WWTR1: variants seen among roughly 807,000 people sequenced by gnomAD.
WWTR1 encodes WW domain containing transcription regulator 1.
WWTR1 carries 13 observed loss-of-function variants against 40.1 expected under a neutral mutation model. The ratio of observed to expected loss-of-function variants is 0.32; its 90% CI spans 0.21 to 0.52. The LOEUF is 0.52. Ranked by LOEUF, WWTR1 falls within the 20% of genes least tolerant of loss-of-function variation. WWTR1 has a pLI of 0.97. For missense variants in WWTR1, 436 were observed against 523.1 expected, an observed-to-expected ratio of 0.83 and a Z score of 1.63; for synonymous variants, 230 against 210.1, an observed-to-expected ratio of 1.09 and a Z score of -0.82.
At chr3:149,626,709 A>G (rs1211781928) in intron 2 of WWTR1, among the ~76,000 whole-genome samples, 2 of 152,290 alleles carry the variant, frequency 1.3e-5, no homozygotes, top group East Asian at 1.9e-4. Flanking sequence ...AAGAGCATCA[A>G]TTGGAAAACC....
intron 2 of WWTR1, among the ~76,000 whole-genome samples, chr3:149,607,549 C>T (rs1739545434): frequency 6.6e-6 from 1 of 152,128 alleles, no homozygotes. Context: ...CTCCTCACCT[C>T]GTGATCCGCC....
At chr3:149,676,696 T>C (rs1471496072) in intron 1 of WWTR1, among the ~76,000 whole-genome samples, 2 of 152,084 alleles carry the variant, frequency 1.3e-5, no homozygotes, top group Non-Finnish European at 2.9e-5. Flanking sequence ...CTAAACCGGG[T>C]CTGCCTATTT....
chr3:149,665,816 A>G (rs1713792652), intron 2 of WWTR1, among the ~76,000 whole-genome samples: 1 of 152,186 alleles, frequency 6.6e-6, no homozygotes, highest in Admixed American at 6.5e-5. Flanking sequence ...TTGTGTGCTT[A>G]TATCTGTATA....
At chr3:149,544,031 G>T (rs931935680) in intron 3 of WWTR1, among the ~76,000 whole-genome samples, 1 of 151,816 alleles carries the variant, frequency 6.6e-6, no homozygotes, top group Non-Finnish European at 1.5e-5. Flanking sequence ...GCCTCCCAAA[G>T]TGCTGGGATT....
intron 1 of WWTR1, among the ~76,000 whole-genome samples, chr3:149,682,362 G>A (rs929174793): frequency 3.3e-5 from 5 of 152,182 alleles, no homozygotes; most frequent in Non-Finnish European, 5.9e-5. Context: ...GTAAGTGAAT[G>A]TATTAAATTG....
chr3:149,715,343 T>G (rs1715581616), intron 5 of WWTR1, among the ~76,000 whole-genome samples: 1 of 152,198 alleles, frequency 6.6e-6, no homozygotes, highest in African/African-American at 2.4e-5. Context: ...GGTGTCAAGC[T>G]TCTGGGCGTC....
chr3:149,680,411 G>A lies in WWTR1; in HGVS notation c.-107-10520C>T, dbSNP rs552702060. Reference sequence around the variant, plus strand: ...ATACAAAAATTAGCCCAGTGTGGTGGCAGGCACCTGTAATCTCAGCTACTT... The same window carrying A: ...ATACAAAAATTAGCCCAGTGTGGTGACAGGCACCTGTAATCTCAGCTACTT... On this transcript the variant is annotated intron_variant, in intron 1 of 7. Coordinates refer to the WWTR1 transcript ENST00000465804. 3.3e-5 allele frequency among the ~76,000 whole-genome samples: 5 copies of A among 152,258 alleles called. No homozygotes were observed. The East Asian group carries it at 9.7e-4, about 29-fold the overall frequency.
upstream of WWTR1, among the ~76,000 whole-genome samples, chr3:149,705,389 G>A (rs910623280): frequency 9.9e-5 from 15 of 152,098 alleles, no homozygotes; most frequent in Non-Finnish European, 1.6e-4. Flanking sequence ...CTTTCAGAGG[G>A]AAAAAGCAGG....
At chr3:149,573,941 GAT>G (rs10526073) in intron 2 of WWTR1, among the ~76,000 whole-genome samples, 6 of 149,678 alleles carry the variant, frequency 4.0e-5, no homozygotes, top group African/African-American at 4.9e-5. Context: ...GAAAGTTTGT[GAT>G]ATATATATAT....
At chr3:149,536,314 C>T (rs1735830480) in intron 4 of WWTR1, among the ~76,000 whole-genome samples, 1 of 152,162 alleles carries the variant, frequency 6.6e-6, no homozygotes, top group Non-Finnish European at 1.5e-5. Flanking sequence ...TCTGTTAACC[C>T]AGTCAACTCT....
At chr3:149,687,223 C>T (rs1714683221) in intron 1 of WWTR1, among the ~76,000 whole-genome samples, 1 of 152,174 alleles carries the variant, frequency 6.6e-6, no homozygotes, top group Non-Finnish European at 1.5e-5. Context: ...CCCCTAGCAA[C>T]TTGCCCCGCG....
At chr3:149,552,761 C>A (rs1736663041) in intron 3 of WWTR1, among the ~76,000 whole-genome samples, 1 of 152,190 alleles carries the variant, frequency 6.6e-6, no homozygotes, top group Non-Finnish European at 1.5e-5. Flanking sequence ...CCATTTAGAG[C>A]AATGGTTCTC....
At chr3:149,695,714 T>A (rs1161556307) in intron 1 of WWTR1, among the ~76,000 whole-genome samples, 4 of 139,272 alleles carry the variant, frequency 2.9e-5, no homozygotes, top group Non-Finnish European at 6.1e-5. Context: ...TGAGCCGAGA[T>A]CATACCACTG....
chr3:149,597,405 G>A (rs976559120), intron 2 of WWTR1, among the ~76,000 whole-genome samples: 1 of 147,660 alleles, frequency 6.8e-6, no homozygotes, highest in African/African-American at 2.5e-5. Flanking sequence ...AGACCAGCCT[G>A]GGCAACATGG....
intron 2 of WWTR1, among the ~76,000 whole-genome samples, chr3:149,587,599 G>A (rs116698869): frequency 6.2e-4 from 94 of 152,294 alleles, no homozygotes; most frequent in African/African-American, 2.2e-3. Context: ...CAAAACAGGA[G>A]AGAGCTGCCT....
chr3:149,606,919 AG>A (rs745424435), intron 2 of WWTR1, among the ~76,000 whole-genome samples: 2 of 152,246 alleles, frequency 1.3e-5, no homozygotes, highest in Non-Finnish European at 2.9e-5. Flanking sequence ...AAGAACTGCG[AG>A]GCATCCACTC....
At chr3:149,522,036 T>A (rs1735073869) in intron 6 of WWTR1, among the ~76,000 whole-genome samples, 1 of 152,212 alleles carries the variant, frequency 6.6e-6, no homozygotes, top group Non-Finnish European at 1.5e-5. Context: ...AACCCAGGTC[T>A]TCAGCCACTA....
intron 4 of WWTR1, among the ~76,000 whole-genome samples, chr3:149,541,997 T>C (rs1736126408): frequency 6.6e-6 from 1 of 152,214 alleles, no homozygotes; most frequent in South Asian, 2.1e-4. Context: ...TATAATGAAA[T>C]GGCTATTTAA....
chr3:149,631,496 AC>A (rs779354624), intron 2 of WWTR1, among the ~76,000 whole-genome samples: 3 of 152,192 alleles, frequency 2.0e-5, no homozygotes, highest in Non-Finnish European at 2.9e-5. Flanking sequence ...GTCTTCACGT[AC>A]AAACCCCAAA....
Sources: gnomAD v4.1 joint callset for allele counts (sites outside exome capture counted in the v4.1 genomes callset) on GRCh38, gnomAD v4.1.1 for gene constraint, MANE v1.5 for transcripts, NCBI Gene and HGNC (gene_info 2026-07-23, HGNC 2026-07-21) for gene names.